The following DYNC2H1 variants were observed in gnomAD, a reference collection of about 807,000 sequenced individuals.
DYNC2H1 encodes the protein cytoplasmic dynein 2 heavy chain 1.
In DYNC2H1, 410 loss-of-function variants were observed where a neutral mutation model predicts 570.0. That is an observed-to-expected ratio of 0.72 (90% CI 0.66 to 0.78). The LOEUF (loss-of-function observed/expected upper bound fraction) is 0.78. Ranked by LOEUF, DYNC2H1 falls within the 30% of genes least tolerant of loss-of-function variation. The pLI is 0.00. For missense variants in DYNC2H1, 4,865 were observed against 5,046.4 expected (o/e 0.96, Z 1.09); for synonymous variants, 1,688 against 1,677.6 (o/e 1.01, Z -0.15).
intron 34 of DYNC2H1, among the ~76,000 whole-genome samples, 167 bp from the exon 35 acceptor site, chr11:103,172,915 G>T (rs561309915): frequency 6.6e-6 from 1 of 151,798 alleles, no homozygotes; most frequent in Non-Finnish European, 1.5e-5. Flanking sequence ...TACATTGGAG[G>T]TTACCTTTAC....
rs1284961461 is a variant in DYNC2H1 at position 103,277,610 on chromosome 11, A to G, written c.10696-2738A>G. ...AGTGGATTGTTTTCTCCTGCTGATAATTTTGGACCGTGAACCCATCTTCAG... is the reference window on the plus strand; with the variant it reads ...AGTGGATTGTTTTCTCCTGCTGATAGTTTTGGACCGTGAACCCATCTTCAG... On this transcript the variant is annotated intron_variant, in intron 70 of 88. Coordinates refer to ENST00000375735, the MANE Select transcript of DYNC2H1 (RefSeq NM_001377.3). This position sits in a 1 kb window ranked among gnomAD's most constrained non-coding sequence, Gnocchi z 4.3. Among the ~76,000 whole-genome samples, 1 of 152,072 alleles carries G rather than the reference A, an allele frequency of 6.6e-6. No homozygotes were observed.
intron 84 of DYNC2H1, among the ~76,000 whole-genome samples, chr11:103,409,858 A>G (rs1943010956): frequency 6.6e-6 from 1 of 150,558 alleles, no homozygotes; most frequent in Admixed American, 6.6e-5. Flanking sequence ...CATTATGCAG[A>G]AGGTATAAGG....
In DYNC2H1 at chr11:103,129,025, TATTATA is replaced by T. The variant is rs1466305540; in HGVS notation, c.1953+25_1953+30del. On this transcript the variant is annotated intron_variant, in intron 13 of 88. Transcript: ENST00000375735. The surrounding 1 kb of genome is among the most constrained non-coding windows in gnomAD (Gnocchi z 4.1). Reference sequence around the variant, plus strand: ...ATTAAGGTAAATGGGCTTTTAATTTTATTATAATTAGATTTTACATGTGAAGTGTTT... The same window carrying T: ...ATTAAGGTAAATGGGCTTTTAATTTTATTAGATTTTACATGTGAAGTGTTT... The T allele has an allele frequency of 6.4e-7, 1 of 1,562,482 alleles. No homozygotes were observed. Among genetic ancestry groups the T allele is most frequent in the African/African-American group, 1.4e-5 (1 of 73,446 alleles).
At chr11:103,436,459 A>G (rs1944063346) in intron 85 of DYNC2H1, among the ~76,000 whole-genome samples, 2 of 152,046 alleles carry the variant, frequency 1.3e-5, no homozygotes, top group Admixed American at 1.3e-4. Context: ...ATATAGACAG[A>G]GAAAGAGTGT....
intron 29 of DYNC2H1, among the ~76,000 whole-genome samples, chr11:103,161,946 G>C (rs1474452933): frequency 6.6e-6 from 1 of 152,170 alleles, no homozygotes; most frequent in African/African-American, 2.4e-5. Flanking sequence ...ATACAGCCTA[G>C]CAAAATGTTT....
chr11:103,393,177 C>G (rs1229141433), intron 83 of DYNC2H1, among the ~76,000 whole-genome samples: 1 of 152,206 alleles, frequency 6.6e-6, no homozygotes, highest in African/African-American at 2.4e-5. Context: ...AGCCATGGCA[C>G]CCAGCCAGAA....
chr11:103,281,596 G>A (rs973308807), intron 71 of DYNC2H1, among the ~76,000 whole-genome samples: 16 of 151,676 alleles, frequency 1.1e-4, no homozygotes, highest in Admixed American at 6.6e-4. Flanking sequence ...TTACTGGCCC[G>A]TGTGTGACAG....
At chr11:103,464,765 A>C (rs1245050286) in intron 87 of DYNC2H1, among the ~76,000 whole-genome samples, 1 of 152,180 alleles carries the variant, frequency 6.6e-6, no homozygotes, top group Non-Finnish European at 1.5e-5. Context: ...AAAGACCACA[A>C]GAATTCACCA....
chr11:103,255,642 A>G (rs977007649), intron 67 of DYNC2H1, 108 bp downstream of exon 67: 4 of 1,185,882 alleles, frequency 3.4e-6, no homozygotes, highest in Non-Finnish European at 4.6e-6. Context: ...TTTTTTCCAA[A>G]GACATATTAG....
intron 1 of DYNC2H1, among the ~76,000 whole-genome samples, chr11:103,110,113 C>G (rs1858039683): frequency 6.6e-6 from 1 of 152,126 alleles, no homozygotes; most frequent in Non-Finnish European, 1.5e-5. Flanking sequence ...ACTGCGTCCT[C>G]CACCTCCTGA....
In DYNC2H1 at chr11:103,158,975, C is replaced by T; in HGVS notation, c.4326C>T (p.Gly1442=). Reference sequence around the variant, plus strand: ...ATGATGACTTATTAGAAATATTGGGCCAGTCTACCAACCCATCAGTGATTC... The same window carrying T: ...ATGATGACTTATTAGAAATATTGGGTCAGTCTACCAACCCATCAGTGATTC... ...IGDDDLLEIL[G]QSTNPSVIQS... The change falls in exon 28 of 89, where the codon GGC becomes GGT. Residue 1442 remains glycine (G), a synonymous_variant. Transcript: ENST00000375735. The T allele has an allele frequency of 6.2e-7, 1 of 1,613,448 alleles. No homozygotes were observed. Among genetic ancestry groups the T allele is most frequent in the South Asian group, 1.1e-5 (1 of 90,904 alleles).
At chr11:103,132,505 T>A (rs1320568821) in intron 13 of DYNC2H1, among the ~76,000 whole-genome samples, 1 of 152,198 alleles carries the variant, frequency 6.6e-6, no homozygotes, top group Non-Finnish European at 1.5e-5. Context: ...CCTTTTCTCA[T>A]TCAAGTTGTG....
intron 83 of DYNC2H1, among the ~76,000 whole-genome samples, chr11:103,396,611 A>C (rs1277536662): frequency 2.0e-5 from 3 of 152,256 alleles, no homozygotes; most frequent in African/African-American, 7.2e-5. Flanking sequence ...CCATTCACTT[A>C]GGTCTAAAAT....
At position 103,280,405 on chromosome 11, in the gene DYNC2H1, C is replaced by A. The variant is rs1370797477; in HGVS notation, c.10753C>A (p.Gln3585Lys). The A allele has an allele frequency of 6.4e-7, 1 of 1,553,322 alleles. No individual in the cohort carries two copies. The highest frequency in any genetic ancestry group is 1.2e-5 in the South Asian group (1 of 84,184). Residue 3585 changes from glutamine to lysine, a missense_variant, in exon 71 of 89, where the codon CAA becomes AAA. Physicochemically the swap from Gln to Lys is moderately conservative, Grantham distance 53 (BLOSUM62 1). Coordinates refer to ENST00000375735, the MANE Select transcript of DYNC2H1 (RefSeq NM_001377.3). The surrounding 1 kb of genome is among the most constrained non-coding windows in gnomAD (Gnocchi z 4.7). ...TCGAGGCATGCATCCTGAACTTTTT[C>A]AAGAAAATGTAAGTCAAATTAAAGG... ...FVRGMHPELF[Q>K]ENEWDTFTGV...
intron 88 of DYNC2H1, among the ~76,000 whole-genome samples, chr11:103,476,010 T>C (rs1006360466): frequency 8.5e-5 from 13 of 152,218 alleles, no homozygotes; most frequent in African/African-American, 2.9e-4. Context: ...GGATTAAAAA[T>C]AGGCAATCAT....
rs147751448 is a variant in DYNC2H1, at chr11:103,355,240, C to T, written c.12040-3003C>T. Among the ~76,000 whole-genome samples, 34 of 152,016 alleles carry T rather than the reference C, an allele frequency of 2.2e-4. No individual in the cohort carries two copies. The East Asian group carries it at 6.6e-3, about 29-fold the overall frequency. ...CTCCAGAAATCTAGTCTGCCATATT[C>T]CCTGTAACAAAAATGTAAATTATTT... On this transcript the variant is annotated intron_variant, in intron 82 of 88. Transcript: ENST00000375735.
In DYNC2H1 at chr11:103,372,935, T is replaced by TTG. The variant is rs912650543; in HGVS notation, c.12156+14590_12156+14591dup. On this transcript the variant is annotated intron_variant, in intron 83 of 88. Transcript: ENST00000375735. ...CCACACTTGTTATTGGTTTGTTCAATTGTGTGTGTGTGTGTATGTGTGTTT... is the reference window on the plus strand; with the variant it reads ...CCACACTTGTTATTGGTTTGTTCAATTGTGTGTGTGTGTGTGTATGTGTGTTT... Among the ~76,000 whole-genome samples the TTG allele has an allele frequency of 2.9e-4, 44 of 151,464 alleles. No individual in the cohort carries two copies. In the South Asian group the frequency reaches 2.9e-3, roughly 10 times the overall value.
chr11:103,230,080 G>T (rs1462508830), intron 59 of DYNC2H1, among the ~76,000 whole-genome samples: 1 of 152,082 alleles, frequency 6.6e-6, no homozygotes, highest in Admixed American at 6.6e-5. Context: ...TCTCTGTTTT[G>T]ACAGGTAATT....
At chr11:103,295,110 C>T (rs1278508402) in intron 75 of DYNC2H1, among the ~76,000 whole-genome samples, 3 of 152,160 alleles carry the variant, frequency 2.0e-5, no homozygotes, top group Admixed American at 6.5e-5. Context: ...AGGGCTTGCC[C>T]AAGGACTGCA....
Sources: allele counts gnomAD v4.1 joint callset (sites outside exome capture counted in the v4.1 genomes callset), GRCh38; gene constraint gnomAD v4.1.1; non-coding constraint Gnocchi (gnomAD v3.1); transcripts MANE v1.5; gene names NCBI Gene and HGNC (gene_info 2026-07-23, HGNC 2026-07-21).